Variants in OR5AS1 observed in about 807,000 individuals in gnomAD.
The protein encoded by OR5AS1 is olfactory receptor 5AS1.
For missense variants in OR5AS1, 492 were observed against 378.2 expected, an observed-to-expected ratio of 1.30 and a Z score of -2.50; for synonymous variants, 196 against 141.7, an observed-to-expected ratio of 1.38 and a Z score of -2.72.
rs906165398 is a variant in OR5AS1 at position 56,027,721 on chromosome 11, T to C, written c.-29+9T>C. ...TTCTTGATGGTGCTGAGGTAAGTGA[T>C]TTTTTCCCTAAAGCATTAACAAAAT... On this transcript the variant is annotated intron_variant, in intron 1 of 1. Transcript: ENST00000641320. 1 of 152,098 alleles carries C rather than the reference T, an allele frequency of 6.6e-6. No individual in the cohort carries two copies. Among genetic ancestry groups the C allele is most frequent in the South Asian group, 2.1e-4 (1 of 4,826 alleles). The allele number at this position is 152,098 out of a possible 1,614,324, so 9.4% of individuals were successfully genotyped here. A position where few individuals can be genotyped will look rare whatever the true frequency, so the allele number is the denominator to read the frequency against.
At chr11:56,029,025 C>T (rs1853321616) in intron 1 of OR5AS1, among the ~76,000 whole-genome samples, 1 of 152,034 alleles carries the variant, frequency 6.6e-6, no homozygotes, top group Admixed American at 6.6e-5. Flanking sequence ...ACACACATTG[C>T]ATTCTTACCC....
Position 56,031,040 on chromosome 11 carries a change from A to G in OR5AS1, c.622A>G (p.Thr208Ala). 6.2e-7 allele frequency: 1 copy of G among 1,614,126 alleles called. No homozygotes were observed. Among genetic ancestry groups the G allele is most frequent in the Non-Finnish European group, 8.5e-7 (1 of 1,180,018 alleles). Reference sequence around the variant, plus strand: ...CTTTGCTTTGTGCAGCTTCATCCAGACCAGCACTTTTGTGGTAATATTTAT... The same window carrying G: ...CTTTGCTTTGTGCAGCTTCATCCAGGCCAGCACTTTTGTGGTAATATTTAT... ...LLFALCSFIQ[T>A]STFVVIFISY... The change falls in exon 2 of 2, where the codon ACC (threonine) becomes GCC (alanine). Residue 208 changes from threonine (T) to alanine (A), a missense_variant. Physicochemically the swap from Thr to Ala is moderately conservative, Grantham distance 58 (BLOSUM62 0). Transcript: ENST00000641320.
rs1235173014 is a variant in OR5AS1 at position 56,031,175 on chromosome 11, G to A, written c.757G>A (p.Gly253Arg). 5.6e-6 allele frequency: 9 copies of A among 1,613,878 alleles called. No homozygotes were observed. Among genetic ancestry groups the A allele is most frequent in the African/African-American group, 2.7e-5 (2 of 74,802 alleles). ...SHLIAVTLFY[G>R]ALLFMYLQPT... The stretch of plus-strand genomic sequence containing the variant: ...CCTCATAGCAGTCACCTTATTCTAT[G>A]GAGCGCTCCTGTTTATGTACTTACA... The change falls in exon 2 of 2, where the codon GGA becomes AGA. Residue 253 changes from glycine (G) to arginine (R), a missense_variant. Coordinates refer to ENST00000641320, the MANE Select transcript of OR5AS1 (RefSeq NM_001001921.2).
At position 56,031,156 on chromosome 11, in the gene OR5AS1, A is replaced by G; in HGVS notation, c.738A>G (p.Ile246Met). 1 of 1,614,082 alleles carries G rather than the reference A, an allele frequency of 6.2e-7. No individual in the cohort carries two copies. Among genetic ancestry groups the G allele is most frequent in the Non-Finnish European group, 8.5e-7 (1 of 1,180,020 alleles). Residue 246 changes from isoleucine (I) to methionine (M), a missense_variant, in exon 2 of 2, where the codon ATA becomes ATG. Ile to Met is a conservative substitution (Grantham distance 10). Transcript: ENST00000641320. ...TCTCCACTTGTGCTTCCCACCTCAT[A>G]GCAGTCACCTTATTCTATGGAGCGC... ...KTFSTCASHLIAVTLFYGALL... is the reference protein window; with the variant it reads ...KTFSTCASHLMAVTLFYGALL...
At position 56,031,442 on chromosome 11, in the gene OR5AS1, G is replaced by A; in HGVS notation, c.*49G>A. The A allele has an allele frequency of 7.8e-7, 1 of 1,281,762 alleles. No homozygotes were observed. The highest frequency in any genetic ancestry group is 1.5e-5 in the South Asian group (1 of 66,322). 79.4% of individuals were successfully genotyped at this position (1,281,762 alleles called of 1,614,324 possible). ...AGCAATTATGCCATGAACATCTTAT[G>A]TGTTAACTATTTTAAATTTATCACA... is the stretch of plus-strand genomic sequence containing the variant. On this transcript the variant is annotated 3_prime_UTR_variant, in exon 2 of 2. Transcript: ENST00000641320.
rs1344787164 is a variant in OR5AS1 at position 56,031,224 on chromosome 11, A to C, written c.806A>C (p.Asp269Ala). ...CAGCCCACCACTAGCTATTCCCTAG[A>C]CACTGATAAGGTGGTGGCAGTGTTT... ...YLQPTTSYSL[D>A]TDKVVAVFYT... is the part of the protein sequence containing the mutation. The change falls in exon 2 of 2, where the codon GAC (aspartate) becomes GCC (alanine). Residue 269 changes from aspartate (D) to alanine (A), a missense_variant. Coordinates refer to ENST00000641320, the MANE Select transcript of OR5AS1 (RefSeq NM_001001921.2). 6.2e-6 allele frequency: 10 copies of C among 1,613,670 alleles called. No homozygotes were observed. The highest frequency in any genetic ancestry group is 1.7e-5 in the Admixed American group (1 of 59,992).
chr11:56,028,754 G>C lies in OR5AS1; in HGVS notation c.-29+1042G>C, dbSNP rs898731559. On this transcript the variant is annotated intron_variant, in intron 1 of 1. Transcript: ENST00000641320. ...ACTCAAGAAAGAAAAATAAGACTTT[G>C]ATCCCATAACTTGTTTTTGGATATA... Among the ~76,000 whole-genome samples, 3 of 151,962 alleles carry C rather than the reference G, an allele frequency of 2.0e-5. 1 individual carries two copies. Among genetic ancestry groups the C allele is most frequent in the African/African-American group, 7.3e-5 (3 of 41,310 alleles).
chr11:56,031,098 G>A lies in OR5AS1; in HGVS notation c.680G>A (p.Ser227Asn), dbSNP rs771242940. Residue 227 changes from serine (S) to asparagine (N), a missense_variant, in exon 2 of 2, where the codon AGC becomes AAC. Ser to Asn is a conservative substitution (Grantham distance 46). Coordinates refer to ENST00000641320, the MANE Select transcript of OR5AS1 (RefSeq NM_001001921.2). ...SYFCILITVLSIKSSGGRSKT... is the reference protein window; with the variant it reads ...SYFCILITVLNIKSSGGRSKT... ...TTCTGCATCCTCATCACTGTGTTGA[G>A]CATCAAGTCCTCAGGTGGCAGAAGC... 1.1e-5 allele frequency: 17 copies of A among 1,614,030 alleles called. No homozygotes were observed. Among genetic ancestry groups the A allele is most frequent in the Non-Finnish European group, 5.1e-6 (6 of 1,179,984 alleles).
intron 1 of OR5AS1, among the ~76,000 whole-genome samples, chr11:56,029,715 G>T (rs552246835): frequency 5.3e-4 from 81 of 151,938 alleles, no homozygotes; most frequent in African/African-American, 1.8e-3. Flanking sequence ...TTTAATCAGC[G>T]CTCACACAGT....
At position 56,037,369 on chromosome 11, in the gene OR5AS1, G is replaced by T. The variant is rs887234156; in HGVS notation, c.*5976G>T. 13 of 152,008 alleles carry T rather than the reference G, an allele frequency of 8.6e-5. No homozygotes were observed. Among genetic ancestry groups the T allele is most frequent in the Non-Finnish European group, 2.9e-5 (2 of 68,012 alleles). The allele number at this position is 152,008 out of a possible 1,614,324, so 9.4% of individuals were successfully genotyped here. A position where few individuals can be genotyped will look rare whatever the true frequency, so the allele number is the denominator to read the frequency against. ...GATTGTATATTTAGAAAACCCCATCGTCTCAGGCCAAAATCTCCTTAAGCT... is the reference window on the plus strand; with the variant it reads ...GATTGTATATTTAGAAAACCCCATCTTCTCAGGCCAAAATCTCCTTAAGCT... On this transcript the variant is annotated 3_prime_UTR_variant, in exon 2 of 2. Transcript: ENST00000641320.
Position 56,031,322 on chromosome 11 carries a change from A to G in OR5AS1, c.904A>G (p.Lys302Glu). 6.3e-7 allele frequency: 1 copy of G among 1,598,706 alleles called. No homozygotes were observed. The highest frequency in any genetic ancestry group is 8.5e-7 in the Non-Finnish European group (1 of 1,172,710). The stretch of plus-strand genomic sequence containing the variant: ...AAACAAGGATGTGAAAAATGCTCTC[A>G]AAAAGCTATTAGAAAGAATTGGATA... ...FRNKDVKNAL[K>E]KLLERIGYSN... is the part of the protein sequence containing the mutation. The change falls in exon 2 of 2, where the codon AAA (lysine) becomes GAA (glutamate). Residue 302 changes from lysine (K) to glutamate (E), a missense_variant. Transcript: ENST00000641320.
Position 56,030,997 on chromosome 11 carries a change from G to T in OR5AS1, c.579G>T (p.Gln193His). The T allele has an allele frequency of 6.2e-7, 1 of 1,614,138 alleles. No individual in the cohort carries two copies. Among genetic ancestry groups the T allele is most frequent in the Non-Finnish European group, 8.5e-7 (1 of 1,180,034 alleles). ...TGGCTTTATCATGTACAGACACTCA[G>T]ATCAACCAGCTTCTGCTCTTTGCTT... ...PLLALSCTDT[Q>H]INQLLLFALC... Residue 193 changes from glutamine to histidine, a missense_variant, in exon 2 of 2, where the codon CAG becomes CAT. By Grantham distance (24) the Gln-to-His change is conservative. Coordinates refer to ENST00000641320, the MANE Select transcript of OR5AS1 (RefSeq NM_001001921.2).
Position 56,033,477 on chromosome 11 carries a change from G to A in OR5AS1, c.*2084G>A, listed in dbSNP as rs893328082. ...GCCATTGCTGAGGCTTCAGTAGGCA[G>A]TTTTCCCCTCATAGTGTAAACAAAG... On this transcript the variant is annotated 3_prime_UTR_variant, in exon 2 of 2. Transcript: ENST00000641320. The A allele has an allele frequency of 6.6e-6, 1 of 152,306 alleles. No homozygotes were observed. The highest frequency in any genetic ancestry group is 2.4e-5 in the African/African-American group (1 of 41,398). The allele number at this position is 152,306 out of a possible 1,614,324, so 9.4% of individuals were successfully genotyped here.
rs1462923681 is a variant in OR5AS1 at position 56,031,650 on chromosome 11, T to C, written c.*257T>C. ...ATTGATTCTGTTCTTTACGATGTTG[T>C]ATTGAAGGTAAATATTGACTTTTCA... On this transcript the variant is annotated 3_prime_UTR_variant, in exon 2 of 2. Coordinates refer to ENST00000641320, the MANE Select transcript of OR5AS1 (RefSeq NM_001001921.2). 7.4e-6 allele frequency: 2 copies of C among 271,864 alleles called. No individual in the cohort carries two copies. The highest frequency in any genetic ancestry group is 1.4e-5 in the Non-Finnish European group (2 of 143,146). 16.8% of individuals were successfully genotyped at this position (271,864 alleles called of 1,614,324 possible). A position where few individuals can be genotyped will look rare whatever the true frequency, so the allele number is the denominator to read the frequency against.
chr11:56,029,373 A>C (rs1853325108), intron 1 of OR5AS1, among the ~76,000 whole-genome samples: 1 of 151,606 alleles, frequency 6.6e-6, no homozygotes, highest in South Asian at 2.1e-4. Context: ...GTCCAATCGC[A>C]TATGCAGCCC....
intron 1 of OR5AS1, 76 bp downstream of exon 1, chr11:56,027,788 T>A (rs1159787007): frequency 6.7e-6 from 1 of 149,220 alleles, no homozygotes; most frequent in Non-Finnish European, 1.5e-5. Flanking sequence ...TTGCCTCAGA[T>A]AAAATGTATC....
chr11:56,032,159 T>C lies in OR5AS1; in HGVS notation c.*766T>C, dbSNP rs76604326. On this transcript the variant is annotated 3_prime_UTR_variant, in exon 2 of 2. Transcript: ENST00000641320. ...TACATCACATTGTCTTTGGGCTAAG[T>C]TGATTACTGCAAGAAATTCCCTACT... 1.7e-3 allele frequency: 259 copies of C among 152,274 alleles called. 1 individual carries two copies. The highest frequency in any genetic ancestry group is 6.0e-3 in the African/African-American group (250 of 41,514). 9.4% of individuals were successfully genotyped at this position (152,274 alleles called of 1,614,324 possible).
Position 56,037,175 on chromosome 11 carries a change from T to C in OR5AS1, c.*5782T>C, listed in dbSNP as rs190802989. The C allele has an allele frequency of 5.8e-4, 89 of 152,226 alleles. 2 individuals carry two copies. The highest frequency in any genetic ancestry group is 3.4e-3 in the Middle Eastern group (1 of 294). 9.4% of individuals were successfully genotyped at this position (152,226 alleles called of 1,614,324 possible). ...AATATCATACTGAATGGGCAAAAAC[T>C]GGACGCATTCCCTTTGAAAACCGGC... On this transcript the variant is annotated 3_prime_UTR_variant, in exon 2 of 2. Coordinates refer to ENST00000641320, the MANE Select transcript of OR5AS1 (RefSeq NM_001001921.2).
Position 56,037,731 on chromosome 11 carries a change from T to C in OR5AS1, c.*6338T>C, listed in dbSNP as rs553758122. ...CAATACTATCCCCGTCAAGCTATCA[T>C]TGAATTTCTTCACAGAATTAGAAAA... On this transcript the variant is annotated 3_prime_UTR_variant, in exon 2 of 2. Coordinates refer to ENST00000641320, the MANE Select transcript of OR5AS1 (RefSeq NM_001001921.2). 8.4e-4 allele frequency: 119 copies of C among 141,390 alleles called. No individual in the cohort carries two copies. Among genetic ancestry groups the C allele is most frequent in the African/African-American group, 3.0e-3 (111 of 37,270 alleles). 8.8% of individuals were successfully genotyped at this position (141,390 alleles called of 1,614,324 possible).
Sources: gnomAD v4.1 joint callset for allele counts (sites outside exome capture counted in the v4.1 genomes callset) on GRCh38, gnomAD v4.1.1 for gene constraint, MANE v1.5 for transcripts, NCBI Gene and HGNC (gene_info 2026-07-23, HGNC 2026-07-21) for gene names.